Variants in URAD observed in about 807,000 individuals in gnomAD.
URAD encodes ureidoimidazoline (2-oxo-4-hydroxy-4-carboxy-5-) decarboxylase.
A neutral mutation model predicts 4.6 loss-of-function variants in URAD; 4 were observed. The observed-to-expected ratio is 0.87, with a 90% CI of 0.43 to 1.98. URAD has a LOEUF of 1.98. Among genes scored for constraint, URAD ranks in the 30% most tolerant of loss-of-function variants. The pLI, the probability that URAD is intolerant of heterozygous loss-of-function variation, is 0.03. For synonymous variants in URAD, 144 were observed against 118.2 expected, an observed-to-expected ratio of 1.22 and a Z score of -1.41; for missense variants, 300 against 255.3, an observed-to-expected ratio of 1.18 and a Z score of -1.19.
Position 27,978,369 on chromosome 13 carries a change from C to T in URAD, c.259G>A (p.Glu87Lys). The change falls in exon 2 of 2, where the codon GAA (glutamate) becomes AAA (lysine). Residue 87 changes from glutamate (E) to lysine (K), a missense_variant. Transcript: ENST00000332715. ...CTCCTCAGGCCTGCGCCGCTCTGTT[C>T]CCGCTGCGACTCGGCCGTGAGCGTG... The part of the protein sequence containing the change: ...RGTLTAESQR[E>K]QSGAGLRSLG... 1 of 1,403,222 alleles carries T rather than the reference C, an allele frequency of 7.1e-7. No individual in the cohort carries two copies. Among genetic ancestry groups the T allele is most frequent in the Admixed American group, 3.2e-5 (1 of 31,376 alleles). 86.9% of individuals were successfully genotyped at this position (1,403,222 alleles called of 1,614,324 possible).
Position 27,988,520 on chromosome 13 carries a change from C to A in URAD, c.118G>T (p.Asp40Tyr). The A allele has an allele frequency of 6.2e-7, 1 of 1,613,882 alleles. No individual in the cohort carries two copies. The highest frequency in any genetic ancestry group is 8.5e-7 in the Non-Finnish European group (1 of 1,179,802). Residue 40 changes from aspartate to tyrosine, a missense_variant, in exon 1 of 2, where the codon GAT becomes TAT. Coordinates refer to ENST00000332715, the MANE Select transcript of URAD (RefSeq NM_001105577.2). ...AAGTGCTTCTCTAAATCTTCCAAAT[C>A]AGAGAATGGCCGCTGGGACCAAACA... ...AAVWSQRPFSDLEDLEKHFFA... is the reference protein window; with the variant it reads ...AAVWSQRPFSYLEDLEKHFFA...
In URAD at chr13:27,978,257, C is replaced by A; in HGVS notation, c.371G>T (p.Arg124Leu). 2.1e-6 allele frequency: 3 copies of A among 1,442,016 alleles called. No homozygotes were observed. The highest frequency in any genetic ancestry group is 2.7e-6 in the Non-Finnish European group (3 of 1,107,152). The allele number at this position is 1,442,016 out of a possible 1,614,324, so 89.3% of individuals were successfully genotyped here. ...RFGFPFVLAA[R>L]FSDRTAVPRE... is the part of the protein sequence containing the mutation. ...CGGCACCGCCGTCCGGTCGCTGAAGCGCGCGGCGAGCACGAAGGGGAAACC... is the reference window on the plus strand; with the variant it reads ...CGGCACCGCCGTCCGGTCGCTGAAGAGCGCGGCGAGCACGAAGGGGAAACC... Residue 124 changes from arginine (R) to leucine (L), a missense_variant, in exon 2 of 2, where the codon CGC becomes CTC. Physicochemically the swap from Arg to Leu is moderately radical, Grantham distance 102 (BLOSUM62 -2). Transcript: ENST00000332715.
chr13:27,978,522 G>A (rs1212157174), intron 1 of URAD, 70 bp from the exon 2 acceptor site: 2 of 1,184,432 alleles, frequency 1.7e-6, no homozygotes, highest in African/African-American at 1.6e-5. Context: ...ACTCGAGGGG[G>A]CGCGTAGGCC....
chr13:27,979,121 A>C (rs1231158934), intron 1 of URAD, among the ~76,000 whole-genome samples: 1 of 152,086 alleles, frequency 6.6e-6, no homozygotes, highest in African/African-American at 2.4e-5. Context: ...CTGCAAAGAA[A>C]CCCACCTCTA....
At chr13:27,984,870 T>C (rs977156465) in intron 1 of URAD, among the ~76,000 whole-genome samples, 3 of 151,918 alleles carry the variant, frequency 2.0e-5, no homozygotes, top group Non-Finnish European at 4.4e-5. Context: ...TCCCGGCTAC[T>C]CCGGAGGCTG....
chr13:27,981,008 TTCTCTCTCTC>T (rs900608486), intron 1 of URAD, among the ~76,000 whole-genome samples: 3 of 111,710 alleles, frequency 2.7e-5, no homozygotes, highest in African/African-American at 8.3e-5. Flanking sequence ...TTTCAGTCGC[TTCTCTCTCTC>T]TCTCTCTCTC....
At chr13:27,982,564 G>A (rs967539837) in intron 1 of URAD, among the ~76,000 whole-genome samples, 10 of 152,154 alleles carry the variant, frequency 6.6e-5, no homozygotes, top group Admixed American at 3.9e-4. Flanking sequence ...TACTTACTAA[G>A]TGCCCTCAGC....
At chr13:27,980,092 A>C (rs1869831322) in intron 1 of URAD, among the ~76,000 whole-genome samples, 1 of 152,004 alleles carries the variant, frequency 6.6e-6, no homozygotes, top group African/African-American at 2.4e-5. Flanking sequence ...TTTTTTCAAG[A>C]CAGCTCTGTC....
rs759533169 is a variant in URAD at position 27,978,257 on chromosome 13, C to T, written c.371G>A (p.Arg124His). ...CGGCACCGCCGTCCGGTCGCTGAAG[C>T]GCGCGGCGAGCACGAAGGGGAAACC... ...RFGFPFVLAA[R>H]FSDRTAVPRE... is the part of the protein sequence containing the mutation. Residue 124 changes from arginine to histidine, a missense_variant, in exon 2 of 2, where the codon CGC (arginine) becomes CAC (histidine). Arg to His is a conservative substitution (Grantham distance 29). Transcript: ENST00000332715. 8.2e-5 allele frequency: 118 copies of T among 1,441,906 alleles called. 1 individual carries two copies. The highest frequency in any genetic ancestry group is 1.5e-4 in the Admixed American group (5 of 34,176). 89.3% of individuals were successfully genotyped at this position (1,441,906 alleles called of 1,614,324 possible).
At chr13:27,980,955 G>A (rs1723693125) in intron 1 of URAD, among the ~76,000 whole-genome samples, 1 of 151,962 alleles carries the variant, frequency 6.6e-6, no homozygotes, top group Admixed American at 6.6e-5. Context: ...GCAAAGGGCA[G>A]AAGAAAAGAG....
chr13:27,984,786 G>A (rs915040737), intron 1 of URAD, among the ~76,000 whole-genome samples: 7 of 151,352 alleles, frequency 4.6e-5, no homozygotes, highest in Non-Finnish European at 8.9e-5. Context: ...AGACCATCCT[G>A]GCTAACACGG....
intron 1 of URAD, among the ~76,000 whole-genome samples, chr13:27,987,994 C>G (rs774860354): frequency 9.2e-5 from 14 of 152,144 alleles, no homozygotes; most frequent in Non-Finnish European, 2.1e-4. Context: ...TAGTCTTGCT[C>G]TGCCACCAGG....
At chr13:27,986,113 T>G (rs1211098126) in intron 1 of URAD, among the ~76,000 whole-genome samples, 3 of 152,140 alleles carry the variant, frequency 2.0e-5, no homozygotes, top group Non-Finnish European at 2.9e-5. Flanking sequence ...CCGTGTCTAC[T>G]GCAGACACCA....
intron 1 of URAD, among the ~76,000 whole-genome samples, chr13:27,984,835 C>A (rs537521552): frequency 6.6e-6 from 1 of 151,846 alleles, no homozygotes; most frequent in Non-Finnish European, 1.5e-5. Context: ...AAAAATTAGC[C>A]GGGCATGGTG....
intron 1 of URAD, among the ~76,000 whole-genome samples, chr13:27,982,150 G>A (rs1869893560): frequency 6.6e-6 from 1 of 152,232 alleles, no homozygotes; most frequent in Middle Eastern, 3.4e-3. Context: ...ACTATAAACG[G>A]CCGGGCACAG....
chr13:27,979,668 C>T (rs542823459), intron 1 of URAD, among the ~76,000 whole-genome samples: 2 of 152,288 alleles, frequency 1.3e-5, no homozygotes, highest in African/African-American at 4.8e-5. Context: ...TGGGAATAGG[C>T]GTGGGGTCTG....
intron 1 of URAD, among the ~76,000 whole-genome samples, chr13:27,984,495 T>C (rs1341987262): frequency 6.6e-6 from 1 of 152,212 alleles, no homozygotes; most frequent in African/African-American, 2.4e-5. Context: ...GGACTCGCCC[T>C]TAGTCTAGAA....
chr13:27,979,019 G>T (rs1190469964), intron 1 of URAD, among the ~76,000 whole-genome samples: 1 of 152,160 alleles, frequency 6.6e-6, no homozygotes, highest in African/African-American at 2.4e-5. Flanking sequence ...CATCCATGGG[G>T]CTCGGCAAAT....
intron 1 of URAD, among the ~76,000 whole-genome samples, chr13:27,983,038 C>T (rs778661865): frequency 1.3e-5 from 2 of 152,124 alleles, no homozygotes; most frequent in Non-Finnish European, 2.9e-5. Context: ...CATCACCATC[C>T]TAAAGCATAA....
Sources: gnomAD v4.1 joint callset for allele counts (sites outside exome capture counted in the v4.1 genomes callset) on GRCh38, gnomAD v4.1.1 for gene constraint, MANE v1.5 for transcripts, NCBI Gene and HGNC (gene_info 2026-07-23, HGNC 2026-07-21) for gene names.